The following PTPRT variants were observed in gnomAD, a reference collection of about 807,000 sequenced individuals.
PTPRT encodes the protein protein tyrosine phosphatase receptor type T, also known as receptor-type tyrosine-protein phosphatase T.
In PTPRT, 56 loss-of-function variants were observed where a neutral mutation model predicts 176.8. That is an observed-to-expected ratio of 0.32 (90% CI 0.26 to 0.40). PTPRT has a LOEUF of 0.40. Ranked by LOEUF, PTPRT falls within the 10% of genes least tolerant of loss-of-function variation. PTPRT has a pLI of 1.00. For missense variants in PTPRT, 1,540 were observed against 1,908.2 expected (o/e 0.81, Z 3.60); for synonymous variants, 783 against 739.0 (o/e 1.06, Z -0.96).
chr20:42,567,295 G>C (rs563528307), intron 7 of PTPRT, among the ~76,000 whole-genome samples: 4 of 149,824 alleles, frequency 2.7e-5, no homozygotes, highest in East Asian at 3.9e-4. Context: ...AAATAAAAGA[G>C]AGAGAGAGAG....
chr20:42,913,695 T>C (rs1048417308), intron 1 of PTPRT, among the ~76,000 whole-genome samples: 24 of 152,334 alleles, frequency 1.6e-4, no homozygotes, highest in African/African-American at 5.3e-4. Flanking sequence ...AACTTAGTCT[T>C]AATAGCAAAT....
chr20:42,293,666 T>A (rs998917956), intron 12 of PTPRT, among the ~76,000 whole-genome samples: 8 of 152,218 alleles, frequency 5.3e-5, no homozygotes, highest in African/African-American at 1.9e-4. Flanking sequence ...GGCTCATCTA[T>A]CCATCTGTCT....
chr20:42,919,741 C>T (rs536940903), intron 1 of PTPRT, among the ~76,000 whole-genome samples: 1 of 152,316 alleles, frequency 6.6e-6, no homozygotes, highest in Admixed American at 6.5e-5. Flanking sequence ...AGAAGACCTT[C>T]GAATTCCCCA....
rs1195212700 is a variant in PTPRT, at chr20:43,002,881, T to TA, written c.89-116950dup. Among the ~76,000 whole-genome samples the TA allele has an allele frequency of 3.3e-5, 5 of 150,344 alleles. No individual in the cohort carries two copies. The South Asian group carries it at 8.4e-4, about 25-fold the overall frequency. ...AAGATAAAGGCAGAAAACAATTCAT[T>TA]AAAAAAACAGAAAAACATCAGAATA... On this transcript the variant is annotated intron_variant, in intron 1 of 30. Transcript: ENST00000373187.
At chr20:42,885,284 T>C (rs1036009375) in intron 2 of PTPRT, among the ~76,000 whole-genome samples, 1 of 147,364 alleles carries the variant, frequency 6.8e-6, no homozygotes, top group African/African-American at 2.5e-5. Flanking sequence ...TATAACCTTA[T>C]AATAATCTGA....
At chr20:42,902,574 T>C (rs1187290414) in intron 1 of PTPRT, among the ~76,000 whole-genome samples, 13 of 152,186 alleles carry the variant, frequency 8.5e-5, no homozygotes, top group Non-Finnish European at 1.6e-4. Flanking sequence ...CAGCCTTTGG[T>C]GCCCACTCAA....
At chr20:42,299,026 T>C (rs2057423664) in intron 12 of PTPRT, among the ~76,000 whole-genome samples, 2 of 152,268 alleles carry the variant, frequency 1.3e-5, no homozygotes, top group East Asian at 1.9e-4. Flanking sequence ...ATCTATAGTA[T>C]GTTAGCTTTT....
chr20:42,669,905 C>T (rs1351585822), intron 7 of PTPRT, among the ~76,000 whole-genome samples: 1 of 152,126 alleles, frequency 6.6e-6, no homozygotes, highest in Non-Finnish European at 1.5e-5. Context: ...AGAGAAGCAT[C>T]TGCGTAACAT....
At chr20:42,371,491 G>A (rs1001919464) in intron 9 of PTPRT, among the ~76,000 whole-genome samples, 2 of 149,590 alleles carry the variant, frequency 1.3e-5, no homozygotes, top group Admixed American at 1.3e-4. Context: ...ACATTTATCT[G>A]TTTATCTGAT....
intron 23 of PTPRT, among the ~76,000 whole-genome samples, chr20:42,109,287 A>G (rs187534123): frequency 7.9e-5 from 12 of 152,268 alleles, no homozygotes; most frequent in African/African-American, 2.4e-4. Flanking sequence ...GTCTGAAAAG[A>G]TGGGCTGCCC....
intron 7 of PTPRT, among the ~76,000 whole-genome samples, chr20:42,623,376 G>A (rs1300874710): frequency 3.3e-5 from 5 of 152,294 alleles, no homozygotes; most frequent in East Asian, 3.9e-4. Context: ...TCCCCCTCCC[G>A]TAAGGGGTTT....
At chr20:42,282,637 T>C (rs2057159792) in intron 12 of PTPRT, 112 bp from the exon 13 acceptor site, 8 of 799,462 alleles carry the variant, frequency 1.0e-5, no homozygotes, top group Non-Finnish European at 1.3e-5. Context: ...ATATGTATTT[T>C]TAATTATAAT....
At chr20:42,483,751 A>G (rs2071423834) in intron 7 of PTPRT, among the ~76,000 whole-genome samples, 1 of 152,272 alleles carries the variant, frequency 6.6e-6, no homozygotes, top group South Asian at 2.1e-4. Flanking sequence ...CTGCAGCCCA[A>G]GGGCCTTCAG....
intron 7 of PTPRT, among the ~76,000 whole-genome samples, chr20:42,566,806 A>G (rs1172453884): frequency 6.6e-6 from 1 of 152,160 alleles, no homozygotes; most frequent in East Asian, 1.9e-4. Context: ...AAAAAACACA[A>G]CTGATTAAAC....
chr20:42,765,698 T>C (rs1160342212), intron 5 of PTPRT, among the ~76,000 whole-genome samples: 5 of 151,814 alleles, frequency 3.3e-5, no homozygotes, highest in Non-Finnish European at 7.4e-5. Flanking sequence ...ACAGATTATA[T>C]ATATTTATAT....
intron 20 of PTPRT, among the ~76,000 whole-genome samples, chr20:42,119,336 G>A (rs938253657): frequency 3.9e-5 from 6 of 152,060 alleles, no homozygotes; most frequent in Admixed American, 6.6e-5. Flanking sequence ...TGTAACCAAC[G>A]TACCAATTGT....
chr20:42,895,047 A>G (rs1168026840), intron 1 of PTPRT, among the ~76,000 whole-genome samples: 1 of 152,248 alleles, frequency 6.6e-6, no homozygotes, highest in Non-Finnish European at 1.5e-5. Context: ...ATGTGGTCAA[A>G]GCAGTTATTT....
At chr20:42,748,290 C>T (rs1186823949) in intron 6 of PTPRT, among the ~76,000 whole-genome samples, 1 of 152,072 alleles carries the variant, frequency 6.6e-6, no homozygotes, top group Admixed American at 6.5e-5. Flanking sequence ...AGAGCAGAGG[C>T]CAGATGTTAG....
At chr20:42,885,690 A>G in intron 2 of PTPRT, 117 bp downstream of exon 2, 1 of 1,352,008 alleles carries the variant, frequency 7.4e-7, no homozygotes, top group East Asian at 2.6e-5. Context: ...CTCACTACCT[A>G]CAGAGCTATC....
Sources: allele counts gnomAD v4.1 joint callset (sites outside exome capture counted in the v4.1 genomes callset), GRCh38; gene constraint gnomAD v4.1.1; transcripts MANE v1.5; gene names NCBI Gene and HGNC (gene_info 2026-07-23, HGNC 2026-07-21).